The following FHIT variants were observed in gnomAD, a reference collection of about 807,000 sequenced individuals.
The protein encoded by FHIT is bis(5'-adenosyl)-triphosphatase.
FHIT carries 19 observed loss-of-function variants against 17.9 expected under a neutral mutation model. The observed-to-expected ratio is 1.06, with a 90% CI of 0.74 to 1.56. FHIT has a LOEUF of 1.56. Ranked by LOEUF, FHIT falls within the 40% of genes most tolerant of loss-of-function variation. The probability of loss-of-function intolerance (pLI) is 0.00; values close to 1 mark genes in which losing one functional copy is unlikely to be tolerated. For synonymous variants in FHIT, 81 were observed against 69.7 expected (o/e 1.16, Z -0.81); for missense variants, 248 against 189.2 (o/e 1.31, Z -1.82).
intron 5 of FHIT, among the ~76,000 whole-genome samples, chr3:60,329,821 T>G (rs763543704): frequency 6.6e-6 from 1 of 152,208 alleles, no homozygotes; most frequent in East Asian, 1.9e-4. Context: ...CTCAGAAGAC[T>G]AGACACACAC....
intron 2 of FHIT, among the ~76,000 whole-genome samples, chr3:61,169,622 T>C (rs751235556): frequency 4.0e-4 from 61 of 152,224 alleles, no homozygotes; most frequent in Non-Finnish European, 8.4e-4. Context: ...TGAAATGTGA[T>C]GAGAAGTGAA....
At chr3:60,198,341 T>A (rs1250412605) in intron 5 of FHIT, among the ~76,000 whole-genome samples, 2 of 152,196 alleles carry the variant, frequency 1.3e-5, no homozygotes, top group Non-Finnish European at 2.9e-5. Flanking sequence ...AAAGCAGTAT[T>A]TGACTTTTAA....
chr3:60,385,034 C>T (rs1479707193), intron 5 of FHIT, among the ~76,000 whole-genome samples: 3 of 152,074 alleles, frequency 2.0e-5, no homozygotes, highest in African/African-American at 4.8e-5. Context: ...TGAAGAGATA[C>T]GTTGCTAACA....
At chr3:60,901,198 C>A (rs563987018) in intron 3 of FHIT, among the ~76,000 whole-genome samples, 1 of 152,126 alleles carries the variant, frequency 6.6e-6, no homozygotes, top group South Asian at 2.1e-4. Flanking sequence ...CTGTACTAAT[C>A]CTTATTTAAA....
intron 8 of FHIT, among the ~76,000 whole-genome samples, chr3:59,781,798 C>T (rs1261249147): frequency 6.6e-6 from 1 of 152,184 alleles, no homozygotes; most frequent in East Asian, 1.9e-4. Flanking sequence ...TTCCTTGTGT[C>T]CTAGGCCCTA....
chr3:59,752,143 G>A (rs1228818676), intron 9 of FHIT, 78 bp downstream of exon 9: 3 of 994,516 alleles, frequency 3.0e-6, no homozygotes, highest in Non-Finnish European at 4.6e-6. Flanking sequence ...GTGTTTTTGT[G>A]CATCCCCATT....
At chr3:59,813,320 G>A (rs1395910757) in intron 8 of FHIT, among the ~76,000 whole-genome samples, 2 of 152,106 alleles carry the variant, frequency 1.3e-5, no homozygotes, top group African/African-American at 2.4e-5. Context: ...CTGCACCACC[G>A]GCTGCATATT....
At chr3:59,918,217 G>GT (rs74827022) in intron 8 of FHIT, among the ~76,000 whole-genome samples, 73 of 151,486 alleles carry the variant, frequency 4.8e-4, no homozygotes, top group South Asian at 6.3e-4. Context: ...TCAACACCTT[G>GT]TTTTTTTTTA....
chr3:60,919,660 T>A (rs1553767842), intron 3 of FHIT, among the ~76,000 whole-genome samples: 1 of 152,210 alleles, frequency 6.6e-6, no homozygotes, highest in Non-Finnish European at 1.5e-5. Flanking sequence ...CAAACAAGGC[T>A]ATTTTCACAT....
chr3:60,006,052 C>A (rs1219150171), intron 7 of FHIT, among the ~76,000 whole-genome samples: 1 of 152,110 alleles, frequency 6.6e-6, no homozygotes, highest in Non-Finnish European at 1.5e-5. Context: ...GTCAGCAAAG[C>A]ATGGGGCAGG....
chr3:60,132,138 C>A (rs1021571516), intron 5 of FHIT, among the ~76,000 whole-genome samples: 1 of 152,138 alleles, frequency 6.6e-6, no homozygotes, highest in Non-Finnish European at 1.5e-5. Context: ...CTTTCCATGT[C>A]CCCCTTATTT....
intron 2 of FHIT, among the ~76,000 whole-genome samples, chr3:61,196,816 G>A (rs2038864596): frequency 6.6e-6 from 1 of 152,178 alleles, no homozygotes. Context: ...CTTCCTTAGA[G>A]GGATACAGCC....
intron 5 of FHIT, among the ~76,000 whole-genome samples, chr3:60,387,298 T>A (rs1296085519): frequency 6.6e-6 from 1 of 152,080 alleles, no homozygotes; most frequent in Non-Finnish European, 1.5e-5. Context: ...GCCAACTTAT[T>A]CTTTAATGTC....
At position 59,842,305 on chromosome 3, in the gene FHIT, G is replaced by A. The variant is rs148363821; in HGVS notation, c.348+80041C>T. On this transcript the variant is annotated intron_variant, in intron 8 of 9. Coordinates refer to ENST00000492590, the MANE Select transcript of FHIT (RefSeq NM_002012.4). Reference sequence around the variant, plus strand: ...TAACACATTTGATTTATTCAATCATGTTTCAATGGATACTGAGTTGCTTCT... The same window carrying A: ...TAACACATTTGATTTATTCAATCATATTTCAATGGATACTGAGTTGCTTCT... Among the ~76,000 whole-genome samples, 36 of 152,264 alleles carry A rather than the reference G, an allele frequency of 2.4e-4. No individual in the cohort carries two copies. The East Asian group carries it at 3.1e-3, about 13-fold the overall frequency.
At chr3:59,804,506 A>G (rs944992100) in intron 8 of FHIT, among the ~76,000 whole-genome samples, 1 of 152,216 alleles carries the variant, frequency 6.6e-6, no homozygotes. Context: ...AAATGAAAGT[A>G]CACTCCACAG....
intron 5 of FHIT, among the ~76,000 whole-genome samples, chr3:60,526,871 T>A (rs1273026268): frequency 6.6e-6 from 1 of 152,120 alleles, no homozygotes; most frequent in East Asian, 1.9e-4. Flanking sequence ...AGATGTGACT[T>A]TTGAGGCAGT....
At chr3:59,759,453 C>A (rs1361613278) in intron 8 of FHIT, among the ~76,000 whole-genome samples, 1 of 152,070 alleles carries the variant, frequency 6.6e-6, no homozygotes, top group Non-Finnish European at 1.5e-5. Flanking sequence ...AGGACTTGGC[C>A]CCTCACTATA....
intron 5 of FHIT, among the ~76,000 whole-genome samples, chr3:60,450,060 T>C (rs9872043): frequency 0.048 from 7,135 of 147,660 alleles, 578 homozygotes; most frequent in African/African-American, 0.17. Flanking sequence ...TAGACCTATA[T>C]AGAGCACTTA....
At chr3:60,349,816 G>A (rs1044649320) in intron 5 of FHIT, among the ~76,000 whole-genome samples, 4 of 152,262 alleles carry the variant, frequency 2.6e-5, no homozygotes, top group South Asian at 2.1e-4. Context: ...GTAACTTACC[G>A]TAAATCATAT....
Sources: gnomAD v4.1 joint callset for allele counts (sites outside exome capture counted in the v4.1 genomes callset) on GRCh38, gnomAD v4.1.1 for gene constraint, MANE v1.5 for transcripts, NCBI Gene and HGNC (gene_info 2026-07-23, HGNC 2026-07-21) for gene names.